Variants in GRM8 observed in about 807,000 individuals in gnomAD.
GRM8 encodes the protein glutamate metabotropic receptor 8.
Under a neutral mutation model 87.2 loss-of-function variants are expected in GRM8, and 47 were observed. The observed-to-expected ratio is 0.54, with a 90% CI of 0.43 to 0.69. GRM8 has a LOEUF of 0.69. Ranked by LOEUF, GRM8 falls within the 30% of genes least tolerant of loss-of-function variation. The pLI, the probability that GRM8 is intolerant of heterozygous loss-of-function variation, is 0.00. For synonymous variants in GRM8, 396 were observed against 404.5 expected (o/e 0.98, Z 0.25); for missense variants, 1,019 against 1,139.2 (o/e 0.89, Z 1.52).
intron 8 of GRM8, among the ~76,000 whole-genome samples, chr7:126,539,722 A>C (rs1176557243): frequency 6.6e-6 from 1 of 152,002 alleles, no homozygotes. Flanking sequence ...TTTTCAAAAA[A>C]TGATGCCAAA....
chr7:127,102,993 G>T (rs1198974518), intron 3 of GRM8, among the ~76,000 whole-genome samples: 1 of 152,182 alleles, frequency 6.6e-6, no homozygotes, highest in Non-Finnish European at 1.5e-5. Flanking sequence ...CTCCCAAGTA[G>T]CTGGGACAGC....
intron 3 of GRM8, among the ~76,000 whole-genome samples, chr7:126,916,527 A>G (rs1803919916): frequency 6.6e-6 from 1 of 152,376 alleles, no homozygotes; most frequent in Non-Finnish European, 1.5e-5. Flanking sequence ...CATTCTCAAC[A>G]GTATATCAAC....
chr7:127,211,170 G>A (rs1036992131), intron 2 of GRM8, among the ~76,000 whole-genome samples: 1 of 152,214 alleles, frequency 6.6e-6, no homozygotes, highest in African/African-American at 2.4e-5. Context: ...CCATTTGCAA[G>A]TTGAGGAGCA....
At chr7:126,780,637 C>CCATT (rs1341699131) in intron 6 of GRM8, among the ~76,000 whole-genome samples, 2 of 151,900 alleles carry the variant, frequency 1.3e-5, no homozygotes, top group African/African-American at 4.8e-5. Context: ...TGGCAAAAGC[C>CCATT]CATTGATGGG....
At chr7:127,179,151 G>A (rs1794289572) in intron 2 of GRM8, among the ~76,000 whole-genome samples, 1 of 151,910 alleles carries the variant, frequency 6.6e-6, no homozygotes, top group Non-Finnish European at 1.5e-5. Context: ...ACTTAAAAGG[G>A]TAGAAAAAGG....
intron 2 of GRM8, among the ~76,000 whole-genome samples, chr7:127,203,137 T>C (rs1357800690): frequency 6.6e-6 from 1 of 152,166 alleles, no homozygotes; most frequent in Admixed American, 6.5e-5. Flanking sequence ...GAAACAACCA[T>C]TTATGGATAG....
chr7:126,660,791 C>T (rs1306039947), intron 7 of GRM8, among the ~76,000 whole-genome samples: 1 of 152,226 alleles, frequency 6.6e-6, no homozygotes, highest in Non-Finnish European at 1.5e-5. Context: ...GTATATGAAA[C>T]TGTCATTCTT....
chr7:126,567,345 G>A (rs535835839), intron 8 of GRM8, among the ~76,000 whole-genome samples: 32 of 151,318 alleles, frequency 2.1e-4, no homozygotes, highest in Non-Finnish European at 4.6e-4. Flanking sequence ...ACTCATAGGT[G>A]GGAATTGAAC....
At chr7:126,951,332 A>G (rs1808130990) in intron 3 of GRM8, among the ~76,000 whole-genome samples, 2 of 152,096 alleles carry the variant, frequency 1.3e-5, no homozygotes, top group Non-Finnish European at 1.5e-5. Context: ...ATGTGTATCA[A>G]GACAGGATGG....
intron 8 of GRM8, among the ~76,000 whole-genome samples, chr7:126,599,798 G>C (rs1353119223): frequency 6.6e-6 from 1 of 152,088 alleles, no homozygotes; most frequent in Non-Finnish European, 1.5e-5. Flanking sequence ...TATTAGTATG[G>C]GCTCATGAAA....
intron 9 of GRM8, among the ~76,000 whole-genome samples, chr7:126,485,504 G>A (rs1807252953): frequency 6.6e-6 from 1 of 151,994 alleles, no homozygotes; most frequent in Non-Finnish European, 1.5e-5. Context: ...AGTGGTGTCT[G>A]GGGATGAAAG....
chr7:127,246,188 G>C (rs940071912), intron 1 of GRM8, among the ~76,000 whole-genome samples: 1 of 152,172 alleles, frequency 6.6e-6, no homozygotes, highest in Non-Finnish European at 1.5e-5. Flanking sequence ...AAGTTTGTGA[G>C]AAACTACATC....
At chr7:127,142,829 G>A (rs144269077) in intron 2 of GRM8, among the ~76,000 whole-genome samples, 294 of 152,118 alleles carry the variant, frequency 1.9e-3, no homozygotes, top group African/African-American at 6.6e-3. Flanking sequence ...ATACATTAGC[G>A]ACAACAGATA....
intron 6 of GRM8, among the ~76,000 whole-genome samples, chr7:126,867,977 G>A (rs1332947639): frequency 6.6e-6 from 1 of 152,178 alleles, no homozygotes; most frequent in Non-Finnish European, 1.5e-5. Context: ...GTTAATCAGA[G>A]AAAAAATGAA....
chr7:127,151,211 G>T (rs774669354), intron 2 of GRM8, among the ~76,000 whole-genome samples: 3 of 151,910 alleles, frequency 2.0e-5, no homozygotes, highest in Non-Finnish European at 2.9e-5. Context: ...TATGTTTTTA[G>T]TCCTCACAGG....
intron 9 of GRM8, among the ~76,000 whole-genome samples, chr7:126,471,595 C>T: frequency 6.6e-6 from 1 of 151,734 alleles, no homozygotes; most frequent in Non-Finnish European, 1.5e-5. Context: ...TTACTGTAGC[C>T]TTGTAGTATA....
chr7:126,657,901 C>A (rs535554488), intron 7 of GRM8, among the ~76,000 whole-genome samples: 1 of 152,352 alleles, frequency 6.6e-6, no homozygotes, highest in East Asian at 1.9e-4. Flanking sequence ...GAGCTCCTCC[C>A]TAATCCTCAT....
intron 3 of GRM8, among the ~76,000 whole-genome samples, chr7:127,097,694 T>C (rs1824810253): frequency 6.6e-6 from 1 of 152,186 alleles, no homozygotes; most frequent in South Asian, 2.1e-4. Flanking sequence ...TATCATTGAA[T>C]TATTACTGAG....
intron 7 of GRM8, among the ~76,000 whole-genome samples, chr7:126,747,833 C>T (rs55964602): frequency 0.39 from 59,258 of 151,738 alleles, 12,777 homozygotes; most frequent in Non-Finnish European, 0.48. Context: ...TCTTCTCCAT[C>T]GCCTCCTTGC....
Sources: allele counts gnomAD v4.1 joint callset (sites outside exome capture counted in the v4.1 genomes callset), GRCh38; gene constraint gnomAD v4.1.1; transcripts MANE v1.5; gene names NCBI Gene and HGNC (gene_info 2026-07-23, HGNC 2026-07-21).